The following PHACTR3 variants were observed in gnomAD, a reference collection of about 807,000 sequenced individuals.
PHACTR3 encodes the protein protein phosphatase 1, regulatory subunit 123.
Under a neutral mutation model 66.8 loss-of-function variants are expected in PHACTR3, and 16 were observed. The observed-to-expected ratio is 0.24, with a 90% CI of 0.16 to 0.36. PHACTR3 has a LOEUF of 0.36. Ranked by LOEUF, PHACTR3 falls within the 10% of genes least tolerant of loss-of-function variation. The probability of loss-of-function intolerance (pLI) is 1.00; values close to 1 mark genes in which losing one functional copy is unlikely to be tolerated. For missense variants in PHACTR3, 647 were observed against 719.9 expected (o/e 0.90, Z 1.16); for synonymous variants, 323 against 292.1 (o/e 1.11, Z -1.08).
chr20:59,670,605 T>TTGGG (rs34824435), intron 1 of PHACTR3, among the ~76,000 whole-genome samples: 3,148 of 46,986 alleles, frequency 0.067, 233 homozygotes, highest in Non-Finnish European at 0.11. Flanking sequence ...CTGCCGGGGG[T>TTGGG]GGGGGGGGGG....
chr20:59,665,235 C>G (rs370583485), intron 1 of PHACTR3, among the ~76,000 whole-genome samples: 49 of 152,254 alleles, frequency 3.2e-4, no homozygotes, highest in African/African-American at 1.2e-3. Flanking sequence ...AAGTATGTGG[C>G]TCTCTCTCTA....
At chr20:59,638,865 G>A (rs1215821571) in intron 1 of PHACTR3, among the ~76,000 whole-genome samples, 2 of 147,092 alleles carry the variant, frequency 1.4e-5, no homozygotes, top group East Asian at 2.1e-4. Flanking sequence ...AGATATATGA[G>A]TGGATAGGTG....
intron 1 of PHACTR3, among the ~76,000 whole-genome samples, chr20:59,670,105 AT>A (rs2146502808): frequency 6.6e-6 from 1 of 152,330 alleles, no homozygotes; most frequent in South Asian, 2.1e-4. Flanking sequence ...GGAAGGTCCC[AT>A]TCTAGTGGGG....
intron 1 of PHACTR3, among the ~76,000 whole-genome samples, chr20:59,737,337 C>G (rs2038981105): frequency 1.3e-5 from 2 of 152,180 alleles, no homozygotes; most frequent in African/African-American, 4.8e-5. Flanking sequence ...CTCTATGTCC[C>G]CCTGGCACGT....
intron 1 of PHACTR3, among the ~76,000 whole-genome samples, chr20:59,617,753 T>C (rs2034083368): frequency 6.6e-6 from 1 of 152,230 alleles, no homozygotes; most frequent in African/African-American, 2.4e-5. Context: ...AAAAGAGGCA[T>C]AGCTCACGGC....
At position 59,605,008 on chromosome 20, in the gene PHACTR3, C is replaced by A; in HGVS notation, c.-7C>A. 1 of 1,317,558 alleles carries A rather than the reference C, an allele frequency of 7.6e-7. No homozygotes were observed. Among genetic ancestry groups the A allele is most frequent in the Non-Finnish European group, 9.7e-7 (1 of 1,027,088 alleles). The allele number at this position is 1,317,558 out of a possible 1,614,324, so 81.6% of individuals were successfully genotyped here. ...CGCTCTAACTTGCCCCCGCGCCGGC[C>A]GGGCCCATGGCCGCGTCGGAGGACG... On this transcript the variant is annotated 5_prime_UTR_variant, in exon 1 of 13. Transcript: ENST00000371015.
intron 1 of PHACTR3, among the ~76,000 whole-genome samples, chr20:59,623,086 A>G (rs1333245829): frequency 6.6e-6 from 1 of 150,716 alleles, no homozygotes; most frequent in Admixed American, 6.7e-5. Flanking sequence ...TTGGAAATAT[A>G]GGCAGGGAAG....
intron 1 of PHACTR3, among the ~76,000 whole-genome samples, chr20:59,672,554 C>T (rs1209910333): frequency 2.0e-5 from 3 of 152,208 alleles, no homozygotes; most frequent in African/African-American, 7.2e-5. Flanking sequence ...CCTCAGTTTC[C>T]TCATCTGGGC....
chr20:59,669,052 G>T (rs139090787), intron 1 of PHACTR3, among the ~76,000 whole-genome samples: 378 of 152,134 alleles, frequency 2.5e-3, no homozygotes, highest in African/African-American at 8.7e-3. Context: ...CCGGCCCAAA[G>T]CCTAAGTTTT....
intron 7 of PHACTR3, among the ~76,000 whole-genome samples, chr20:59,776,548 G>C (rs962941155): frequency 6.6e-6 from 1 of 152,158 alleles, no homozygotes; most frequent in Non-Finnish European, 1.5e-5. Flanking sequence ...CTGGGGAGGA[G>C]AGCCTCTGGC....
chr20:59,755,494 C>T, intron 4 of PHACTR3, 130 bp downstream of exon 4: 1 of 1,057,168 alleles, frequency 9.5e-7, no homozygotes, highest in East Asian at 2.6e-5. Context: ...GGCCCGTGCT[C>T]TAAGCGCTGC....
At chr20:59,774,074 C>T (rs986599750) in intron 6 of PHACTR3, among the ~76,000 whole-genome samples, 169 bp from the exon 7 acceptor site, 1 of 152,170 alleles carries the variant, frequency 6.6e-6, no homozygotes, top group South Asian at 2.1e-4. Flanking sequence ...AGCCATTTGC[C>T]TTGAACTCAA....
At chr20:59,720,484 A>G (rs2038252809) in intron 1 of PHACTR3, among the ~76,000 whole-genome samples, 1 of 152,286 alleles carries the variant, frequency 6.6e-6, no homozygotes, top group Middle Eastern at 3.4e-3. Context: ...ACCAGAGACC[A>G]TGGTGCTGAT....
intron 12 of PHACTR3, 128 bp downstream of exon 12, chr20:59,845,393 C>T (rs2145537464): frequency 1.6e-6 from 1 of 608,218 alleles, no homozygotes; most frequent in Middle Eastern, 2.6e-4. Context: ...CTCTATTGAA[C>T]AAATAGAATG....
chr20:59,592,557 A>C (rs971311919), intron 1 of PHACTR3, among the ~76,000 whole-genome samples: 9 of 152,132 alleles, frequency 5.9e-5, no homozygotes, highest in Admixed American at 5.9e-4. Flanking sequence ...AAAATGACTA[A>C]ATTTTCAGAC....
chr20:59,810,370 T>C (rs1241573390), intron 8 of PHACTR3, among the ~76,000 whole-genome samples: 1 of 152,222 alleles, frequency 6.6e-6, no homozygotes, highest in Non-Finnish European at 1.5e-5. Flanking sequence ...CTGCTATTTG[T>C]CACCATGTTT....
intron 1 of PHACTR3, among the ~76,000 whole-genome samples, chr20:59,671,523 T>G (rs2036196259): frequency 6.6e-6 from 1 of 152,364 alleles, no homozygotes; most frequent in South Asian, 2.1e-4. Flanking sequence ...ACTTGGTTGG[T>G]TTGAACACAG....
At chr20:59,596,370 G>A (rs1051017288) in intron 1 of PHACTR3, among the ~76,000 whole-genome samples, 1 of 152,148 alleles carries the variant, frequency 6.6e-6, no homozygotes, top group East Asian at 1.9e-4. Context: ...TTGAACTTCG[G>A]ACCTCAAGAG....
chr20:59,667,402 G>A (rs1335846449), intron 1 of PHACTR3, among the ~76,000 whole-genome samples: 4 of 152,172 alleles, frequency 2.6e-5, no homozygotes, highest in East Asian at 1.9e-4. Context: ...CAACTAGCCC[G>A]TCTCATTGTC....
Sources: gnomAD v4.1 joint callset for allele counts (sites outside exome capture counted in the v4.1 genomes callset) on GRCh38, gnomAD v4.1.1 for gene constraint, MANE v1.5 for transcripts, NCBI Gene and HGNC (gene_info 2026-07-23, HGNC 2026-07-21) for gene names.